The following XYLT1 variants were observed in gnomAD, a reference collection of about 807,000 sequenced individuals.
XYLT1 encodes xylosyltransferase 1.
In XYLT1, 36 loss-of-function variants were observed where a neutral mutation model predicts 91.3. The ratio of observed to expected loss-of-function variants is 0.39; its 90% CI spans 0.30 to 0.52. The LOEUF (loss-of-function observed/expected upper bound fraction) is 0.52. Ranked by LOEUF, XYLT1 falls within the 20% of genes least tolerant of loss-of-function variation. XYLT1 has a pLI of 0.68. For synonymous variants in XYLT1, 588 were observed against 532.0 expected (o/e 1.11, Z -1.45); for missense variants, 1,242 against 1,284.5 (o/e 0.97, Z 0.51).
intron 2 of XYLT1, among the ~76,000 whole-genome samples, chr16:17,263,130 C>T (rs1191722169): frequency 6.6e-6 from 1 of 152,052 alleles, no homozygotes; most frequent in Non-Finnish European, 1.5e-5. Context: ...ATTCTGGGGC[C>T]CTTCTCTTTC....
At chr16:17,386,335 G>C (rs1385564720) in intron 1 of XYLT1, among the ~76,000 whole-genome samples, 1 of 152,030 alleles carries the variant, frequency 6.6e-6, no homozygotes, top group East Asian at 1.9e-4. Flanking sequence ...AATAAAATAG[G>C]AAAAACCTGA....
chr16:17,295,797 C>A (rs4780698), intron 2 of XYLT1, among the ~76,000 whole-genome samples: 2,018 of 152,272 alleles, frequency 0.013, 68 homozygotes, highest in Admixed American at 0.078. Context: ...TGCTTAATAT[C>A]CTGTAATGCA....
At chr16:17,151,136 T>C (rs2031272781) in intron 6 of XYLT1, among the ~76,000 whole-genome samples, 1 of 152,152 alleles carries the variant, frequency 6.6e-6, no homozygotes, top group Non-Finnish European at 1.5e-5. Flanking sequence ...TTAAGCACCC[T>C]GACTTCAGGC....
intron 2 of XYLT1, among the ~76,000 whole-genome samples, chr16:17,331,342 G>A (rs1156752028): frequency 2.0e-5 from 3 of 152,150 alleles, no homozygotes; most frequent in Non-Finnish European, 4.4e-5. Context: ...ATGTCCTCTC[G>A]GCATGACATC....
At chr16:17,183,857 G>A (rs891736686) in intron 5 of XYLT1, among the ~76,000 whole-genome samples, 2 of 152,106 alleles carry the variant, frequency 1.3e-5, no homozygotes, top group Non-Finnish European at 2.9e-5. Context: ...CCGTCTGTGT[G>A]CCTAATGATC....
intron 5 of XYLT1, among the ~76,000 whole-genome samples, chr16:17,197,081 C>T (rs1167560462): frequency 1.3e-5 from 2 of 148,614 alleles, no homozygotes; most frequent in Non-Finnish European, 3.0e-5. Flanking sequence ...CCAGTGGCTT[C>T]CCTCTTGCTT....
intron 5 of XYLT1, among the ~76,000 whole-genome samples, chr16:17,164,038 C>CTAAAAA (rs2031616939): frequency 2.3e-5 from 1 of 44,414 alleles, no homozygotes; most frequent in Non-Finnish European, 4.0e-5. Context: ...AACTCTGTCT[C>CTAAAAA]AAAAAAAAAA....
intron 1 of XYLT1, among the ~76,000 whole-genome samples, chr16:17,379,793 A>C (rs79614102): frequency 2.0e-3 from 291 of 142,380 alleles, no homozygotes; most frequent in South Asian, 6.0e-3. Flanking sequence ...ACACACACAC[A>C]CCCCTTACCT....
At chr16:17,244,004 C>T (rs1415080013) in intron 3 of XYLT1, among the ~76,000 whole-genome samples, 1 of 152,150 alleles carries the variant, frequency 6.6e-6, no homozygotes, top group African/African-American at 2.4e-5. Context: ...CAGTATCCTT[C>T]GTGTCTACGC....
chr16:17,418,300 G>C (rs1212937195), intron 1 of XYLT1, among the ~76,000 whole-genome samples: 1 of 152,196 alleles, frequency 6.6e-6, no homozygotes, highest in Non-Finnish European at 1.5e-5. Context: ...ATTAGACAAA[G>C]AATGTAGTGT....
intron 1 of XYLT1, among the ~76,000 whole-genome samples, chr16:17,376,939 G>T (rs779303302): frequency 1.3e-4 from 20 of 152,032 alleles, no homozygotes; most frequent in Non-Finnish European, 2.4e-4. Context: ...CACTGTGGGA[G>T]GCCAAAGCAG....
intron 5 of XYLT1, among the ~76,000 whole-genome samples, chr16:17,161,456 C>T (rs1236626583): frequency 2.6e-5 from 4 of 152,076 alleles, no homozygotes; most frequent in Non-Finnish European, 5.9e-5. Flanking sequence ...GCTAGGGTCT[C>T]GGGCCCCTCG....
At chr16:17,337,032 C>CA (rs1276527251) in intron 2 of XYLT1, among the ~76,000 whole-genome samples, 1 of 152,040 alleles carries the variant, frequency 6.6e-6, no homozygotes, top group Non-Finnish European at 1.5e-5. Flanking sequence ...TGGCTCTGAA[C>CA]AAAAAAATAT....
chr16:17,222,099 A>T (rs2032978824), intron 3 of XYLT1, among the ~76,000 whole-genome samples: 1 of 152,018 alleles, frequency 6.6e-6, no homozygotes, highest in African/African-American at 2.4e-5. Flanking sequence ...CATCATTTCC[A>T]CTCACGTTCC....
intron 2 of XYLT1, among the ~76,000 whole-genome samples, chr16:17,282,195 C>T (rs1321580500): frequency 6.6e-6 from 1 of 152,214 alleles, no homozygotes; most frequent in African/African-American, 2.4e-5. Flanking sequence ...ACAGTCAGCA[C>T]TCCTATTTCT....
chr16:17,426,616 G>A (rs1197281851), intron 1 of XYLT1, among the ~76,000 whole-genome samples: 1 of 152,178 alleles, frequency 6.6e-6, no homozygotes, highest in Admixed American at 6.5e-5. Flanking sequence ...TTTGACCAGT[G>A]AGTCAGATCC....
intron 3 of XYLT1, among the ~76,000 whole-genome samples, chr16:17,212,640 C>G (rs2032780736): frequency 1.3e-5 from 2 of 152,126 alleles, no homozygotes; most frequent in Admixed American, 1.3e-4. Flanking sequence ...ACCAAGCACT[C>G]AGGACATTTT....
chr16:17,138,618 A>G, intron 7 of XYLT1, 87 bp from the exon 8 acceptor site: 2 of 1,481,088 alleles, frequency 1.4e-6, no homozygotes, highest in Admixed American at 3.6e-5. Flanking sequence ...CCTTGCTCTG[A>G]GTTCATGTAA....
chr16:17,448,405 G>A (rs774236987), intron 1 of XYLT1, among the ~76,000 whole-genome samples: 16 of 152,052 alleles, frequency 1.1e-4, no homozygotes, highest in African/African-American at 2.7e-4. Flanking sequence ...GAGCCTGGGC[G>A]ACACAGTAAA....
Sources: gnomAD v4.1 joint callset for allele counts (sites outside exome capture counted in the v4.1 genomes callset) on GRCh38, gnomAD v4.1.1 for gene constraint, MANE v1.5 for transcripts, NCBI Gene and HGNC (gene_info 2026-07-23, HGNC 2026-07-21) for gene names.